The following COG4 variants were observed in gnomAD, a reference collection of about 807,000 sequenced individuals.
COG4 encodes the protein conserved oligomeric Golgi complex subunit 4.
A neutral mutation model predicts 95.1 loss-of-function variants in COG4; 65 were observed. The observed-to-expected ratio is 0.68, with a 90% CI of 0.56 to 0.84. The LOEUF (loss-of-function observed/expected upper bound fraction) is 0.84, where lower values mean the gene tolerates loss of function less well. Among genes scored for constraint, COG4 ranks in the 40% least tolerant of loss-of-function variants. The pLI is 0.00. For missense variants in COG4, 1,045 were observed against 989.1 expected, an observed-to-expected ratio of 1.06 and a Z score of -0.76; for synonymous variants, 421 against 374.8, an observed-to-expected ratio of 1.12 and a Z score of -1.42.
intron 13 of COG4, among the ~76,000 whole-genome samples, chr16:70,485,004 AATT>A (rs1384117024): frequency 3.3e-5 from 5 of 152,178 alleles, no homozygotes; most frequent in South Asian, 2.1e-4. Context: ...AAATAGGTAA[AATT>A]ATTATCCCCA....
At chr16:70,517,563 A>C (rs2049847695) in intron 3 of COG4, 63 bp downstream of exon 3, 1 of 922,840 alleles carries the variant, frequency 1.1e-6, no homozygotes, top group African/African-American at 2.0e-5. Flanking sequence ...ACTCCAGCCT[A>C]GGTGACAGAG....
chr16:70,507,239 T>C (rs557927732), intron 8 of COG4, among the ~76,000 whole-genome samples: 1 of 151,102 alleles, frequency 6.6e-6, no homozygotes, highest in South Asian at 2.1e-4. Context: ...TAAGACCCTA[T>C]CTCAAAAAAG....
Position 70,498,775 on chromosome 16 carries a change from A to G in COG4, c.1196-720T>C, listed in dbSNP as rs540049550. Reference sequence around the variant, plus strand: ...TTATAGTGAATACTTTTGTATGAAAAACTTTTTACTCCTTTTCCATTATTC... The same window carrying G: ...TTATAGTGAATACTTTTGTATGAAAGACTTTTTACTCCTTTTCCATTATTC... On this transcript the variant is annotated intron_variant, in intron 9 of 18. Coordinates refer to ENST00000323786, the MANE Select transcript of COG4 (RefSeq NM_015386.3). Among the ~76,000 whole-genome samples, 42 of 152,352 alleles carry G rather than the reference A, an allele frequency of 2.8e-4. 1 individual carries two copies. The South Asian group carries it at 8.3e-3, about 30-fold the overall frequency.
At chr16:70,484,010 G>A (rs754613100) in intron 13 of COG4, 41 bp from the exon 14 acceptor site, 3 of 1,441,220 alleles carry the variant, frequency 2.1e-6, no homozygotes, top group Non-Finnish European at 2.9e-6. Context: ...AGCACGCGTG[G>A]GCCATGGGAG....
intron 2 of COG4, 97 bp downstream of exon 2, chr16:70,519,552 G>A: frequency 1.2e-6 from 1 of 816,690 alleles, no homozygotes; most frequent in Non-Finnish European, 2.1e-6. Context: ...ATTTCAAGCT[G>A]AACTGGTGTT....
At chr16:70,495,758 T>A (rs1181790433) in intron 12 of COG4, among the ~76,000 whole-genome samples, 1 of 152,250 alleles carries the variant, frequency 6.6e-6, no homozygotes, top group African/African-American at 2.4e-5. Context: ...AATGGAAGGC[T>A]TGCTGCTTTA....
intron 8 of COG4, chr16:70,501,411 T>C (rs2049446755): frequency 3.1e-6 from 1 of 322,792 alleles, no homozygotes; most frequent in African/African-American, 2.2e-5. Context: ...TGGAGTGCAG[T>C]GGCTCGATCT....
intron 8 of COG4, among the ~76,000 whole-genome samples, chr16:70,503,277 C>T (rs558523565): frequency 6.6e-6 from 1 of 152,316 alleles, no homozygotes; most frequent in East Asian, 1.9e-4. Flanking sequence ...GTCTCAAACT[C>T]CTGGGCTCAA....
At chr16:70,493,286 T>C (rs1470424962) in intron 12 of COG4, among the ~76,000 whole-genome samples, 1 of 152,012 alleles carries the variant, frequency 6.6e-6, no homozygotes. Flanking sequence ...TGCGTCTCTA[T>C]ACAGCACTGT....
rs1276711781 is a variant in COG4, at chr16:70,483,867, G to A, written c.1813C>T (p.Arg605Ter). ...SDLAAVSNKF[R>*]DLLQEGLTEL... is the part of the protein sequence containing the mutation. Reference sequence around the variant, plus strand: ...CTGGGGCTTACCTGCAAGAGGTCTCGGAATTTGTTGGACACGGCGGCCAAG... The same window carrying A: ...CTGGGGCTTACCTGCAAGAGGTCTCAGAATTTGTTGGACACGGCGGCCAAG... The change falls in exon 14 of 19, where the codon CGA becomes TGA. Residue 605 changes from arginine to a stop codon, truncating the protein, a stop_gained. Transcript: ENST00000323786. LOFTEE classifies it high-confidence loss of function. 11 of 1,613,212 alleles carry A rather than the reference G, an allele frequency of 6.8e-6. No homozygotes were observed. Among genetic ancestry groups the A allele is most frequent in the Non-Finnish European group, 7.6e-6 (9 of 1,179,726 alleles).
chr16:70,521,015 A>T (rs751104820), intron 1 of COG4, among the ~76,000 whole-genome samples: 14 of 152,160 alleles, frequency 9.2e-5, no homozygotes, highest in Non-Finnish European at 1.6e-4. Context: ...AGCCCCCCAA[A>T]TATCTGTGAC....
At chr16:70,482,445 C>T (rs558178361) in intron 15 of COG4, 108 of 608,770 alleles carry the variant, frequency 1.8e-4, no homozygotes, top group Non-Finnish European at 2.4e-4. Context: ...AATGAAATCA[C>T]TACGCCAGGA....
rs769331901 is a variant in COG4 at position 70,514,389 on chromosome 16, G to A, written c.490C>T (p.Arg164Cys). 24 of 1,613,930 alleles carry A rather than the reference G, an allele frequency of 1.5e-5. No individual in the cohort carries two copies. The highest frequency in any genetic ancestry group is 8.8e-5 in the South Asian group (8 of 91,084). ...DYEQAAAHTH[R>C]YLCLDKSVIE... ...ACCGACTTGTCCAGGCACAAGTAGC[G>A]ATGAGTATGTGCTGCAGCCTGCTCA... The change falls in exon 4 of 19, where the codon CGC becomes TGC. Residue 164 changes from arginine to cysteine, a missense_variant. Arg to Cys is a radical substitution (Grantham distance 180). Transcript: ENST00000323786.
intron 17 of COG4, 40 bp downstream of exon 17, chr16:70,481,724 G>A (rs545746930): frequency 7.1e-6 from 11 of 1,554,360 alleles, no homozygotes; most frequent in South Asian, 4.5e-5. Context: ...TTCCTCAGAG[G>A]AGAAACGAGA....
intron 4 of COG4, 115 bp from the exon 5 acceptor site, chr16:70,512,547 C>T: frequency 1.2e-6 from 1 of 850,416 alleles, no homozygotes; most frequent in South Asian, 1.4e-5. Context: ...TTACCATGTG[C>T]AAGATGCTGT....
At chr16:70,491,737 T>A (rs1470401296) in intron 12 of COG4, among the ~76,000 whole-genome samples, 2 of 149,992 alleles carry the variant, frequency 1.3e-5, no homozygotes, top group Admixed American at 6.7e-5. Context: ...GGCAGGAGAA[T>A]TGCTTGAACT....
rs747527122 is a variant in COG4 at position 70,481,097 on chromosome 16, C to A, written c.2283G>T (p.Thr761=). Residue 761 remains threonine, a synonymous_variant, in exon 19 of 19, where the codon ACG becomes ACT. Coordinates refer to ENST00000323786, the MANE Select transcript of COG4 (RefSeq NM_015386.3). ...DYWGPNSGPL[T]WRLTPAEVRQ... ...GCACTTCAGCAGGGGTGAGGCGCCA[C>A]GTCAATGGGCCGGAATTGGGTCCCC... is the stretch of plus-strand genomic sequence containing the variant. 3.7e-6 allele frequency: 6 copies of A among 1,613,366 alleles called. No individual in the cohort carries two copies. The highest frequency in any genetic ancestry group is 4.2e-6 in the Non-Finnish European group (5 of 1,180,022).
intron 12 of COG4, 29 bp from the exon 13 acceptor site, chr16:70,490,421 T>A: frequency 6.2e-7 from 1 of 1,601,970 alleles, no homozygotes; most frequent in Non-Finnish European, 8.6e-7. Context: ...AGAACGTGAC[T>A]TCCTGCTGAC....
chr16:70,506,397 C>T (rs1347329623), intron 8 of COG4, among the ~76,000 whole-genome samples: 6 of 149,934 alleles, frequency 4.0e-5, no homozygotes, highest in East Asian at 4.0e-4. Context: ...AGCGAGACTC[C>T]GTCTAAATTA....
Sources: allele counts gnomAD v4.1 joint callset (sites outside exome capture counted in the v4.1 genomes callset), GRCh38; gene constraint gnomAD v4.1.1; transcripts MANE v1.5; gene names NCBI Gene and HGNC (gene_info 2026-07-23, HGNC 2026-07-21).